The following ZMYND8 variants were observed in gnomAD, a reference collection of about 807,000 sequenced individuals.
The protein encoded by ZMYND8 is zinc finger MYND-type containing 8, also known as MYND-type zinc finger-containing chromatin reader ZMYND8.
A neutral mutation model predicts 140.8 loss-of-function variants in ZMYND8; 37 were observed. The observed-to-expected ratio is 0.26, with a 90% CI of 0.20 to 0.35. The LOEUF (loss-of-function observed/expected upper bound fraction) is 0.35, where lower values mean the gene tolerates loss of function less well. Ranked by LOEUF, ZMYND8 falls within the 10% of genes least tolerant of loss-of-function variation. ZMYND8 has a pLI of 1.00. For missense variants in ZMYND8, 1,068 were observed against 1,570.0 expected (o/e 0.68, Z 5.40); for synonymous variants, 592 against 597.1 (o/e 0.99, Z 0.12).
intron 22 of ZMYND8, among the ~76,000 whole-genome samples, chr20:47,212,008 C>G (rs2035340058): frequency 6.6e-6 from 1 of 152,196 alleles, no homozygotes; most frequent in Non-Finnish European, 1.5e-5. Context: ...CTATGGTAGG[C>G]AGAGCTGGGG....
Position 47,217,584 on chromosome 20 carries a change from A to C in ZMYND8, c.3484+2674T>G, listed in dbSNP as rs568535104. On this transcript the variant is annotated intron_variant, in intron 21 of 22. Coordinates refer to ENST00000471951, the MANE Select transcript of ZMYND8 (RefSeq NM_001281775.3). ...CTGACTGTGCCCCCAAATCCCACCCACCCACCTTTCAAAGCATGAGTCTGG... is the reference window on the plus strand; with the variant it reads ...CTGACTGTGCCCCCAAATCCCACCCCCCCACCTTTCAAAGCATGAGTCTGG... 4.7e-5 allele frequency among the ~76,000 whole-genome samples: 7 copies of C among 147,732 alleles called. No homozygotes were observed. In the South Asian group the frequency reaches 1.1e-3, roughly 24 times the overall value.
rs1331365635 is a variant in ZMYND8 at position 47,347,793 on chromosome 20, A to C, written c.85+63T>G. ...GCCACACACTTCACTGCACTACAACAACAAAAAGAAATTCCAATTTCCTCC... is the reference window on the plus strand; with the variant it reads ...GCCACACACTTCACTGCACTACAACCACAAAAAGAAATTCCAATTTCCTCC... On this transcript the variant is annotated intron_variant, in intron 2 of 22. Coordinates refer to ENST00000471951, the MANE Select transcript of ZMYND8 (RefSeq NM_001281775.3). 3.2e-6 allele frequency: 5 copies of C among 1,567,448 alleles called. No individual in the cohort carries two copies. In the African/African-American group the frequency reaches 5.4e-5, roughly 17 times the overall value.
chr20:47,290,147 C>T (rs761245844), intron 7 of ZMYND8, 40 bp downstream of exon 7: 16 of 1,578,076 alleles, frequency 1.0e-5, no homozygotes, highest in Non-Finnish European at 1.4e-5. Flanking sequence ...GCAACACATA[C>T]ACAGCATACT....
Position 47,236,398 on chromosome 20 carries a change from T to TGAG in ZMYND8, c.2781_2783dup (p.Ser928dup). 1.2e-6 allele frequency: 2 copies of TGAG among 1,614,174 alleles called. No individual in the cohort carries two copies. Among genetic ancestry groups the TGAG allele is most frequent in the Non-Finnish European group, 1.7e-6 (2 of 1,180,022 alleles). ...TGGCGATGGGCAGGTCAGCGTTGAC[T>TGAG]GAGGACACAAGGGTGCTCATGGACC... On this transcript the variant is annotated inframe_insertion, in exon 16 of 23. Transcript: ENST00000471951.
chr20:47,251,934 A>G (rs1382071459), intron 12 of ZMYND8, among the ~76,000 whole-genome samples: 2 of 151,910 alleles, frequency 1.3e-5, no homozygotes, highest in East Asian at 3.9e-4. Context: ...GCCCTCCCCG[A>G]GTTTGCATTT....
intron 12 of ZMYND8, among the ~76,000 whole-genome samples, 198 bp from the exon 13 acceptor site, chr20:47,249,637 T>C (rs2074007500): frequency 6.9e-6 from 1 of 145,452 alleles, no homozygotes; most frequent in Non-Finnish European, 1.6e-5. Context: ...CGTGAACACG[T>C]TTGGCAGGTT....
chr20:47,234,913 G>C (rs2039010994), intron 16 of ZMYND8, among the ~76,000 whole-genome samples: 1 of 152,154 alleles, frequency 6.6e-6, no homozygotes, highest in Admixed American at 6.5e-5. Context: ...GACTAGGCAG[G>C]AAGATCACTT....
At chr20:47,342,862 AG>A (rs2082025349) in intron 2 of ZMYND8, among the ~76,000 whole-genome samples, 3 of 150,346 alleles carry the variant, frequency 2.0e-5, no homozygotes, top group East Asian at 1.9e-4. Context: ...AAAAAAAAAA[AG>A]AAAAGAAAGA....
At chr20:47,310,522 G>C (rs2078841657) in intron 2 of ZMYND8, among the ~76,000 whole-genome samples, 1 of 152,062 alleles carries the variant, frequency 6.6e-6, no homozygotes, top group South Asian at 2.1e-4. Flanking sequence ...GGAGGGCCAG[G>C]CACGGTGGCT....
At chr20:47,290,387 T>G (rs1052413271) in intron 6 of ZMYND8, 113 bp from the exon 7 acceptor site, 34 of 800,178 alleles carry the variant, frequency 4.2e-5, no homozygotes, top group Non-Finnish European at 6.5e-5. Flanking sequence ...TCAATTAGTG[T>G]TCTTCTATTC....
intron 2 of ZMYND8, among the ~76,000 whole-genome samples, chr20:47,313,546 T>C (rs1045506084): frequency 2.3e-4 from 34 of 149,438 alleles, no homozygotes; most frequent in East Asian, 1.6e-3. Flanking sequence ...GGCGTGAACC[T>C]GGGAGGCGGA....
At chr20:47,334,730 C>G (rs953559045) in intron 2 of ZMYND8, among the ~76,000 whole-genome samples, 1 of 151,900 alleles carries the variant, frequency 6.6e-6, no homozygotes, top group Non-Finnish European at 1.5e-5. Flanking sequence ...CCGCCTCAGC[C>G]TGCTGAGTAG....
At chr20:47,277,815 T>C (rs969562973) in intron 10 of ZMYND8, among the ~76,000 whole-genome samples, 18 of 152,124 alleles carry the variant, frequency 1.2e-4, no homozygotes, top group Non-Finnish European at 2.4e-4. Context: ...GAACTGCAGG[T>C]GTGTGCCACC....
At chr20:47,273,476 G>A (rs373137273) in intron 11 of ZMYND8, among the ~76,000 whole-genome samples, 3 of 152,280 alleles carry the variant, frequency 2.0e-5, no homozygotes, top group Admixed American at 2.0e-4. Flanking sequence ...AACCCAGGAG[G>A]TGGAGGTTGC....
At chr20:47,238,584 T>A in intron 15 of ZMYND8, 174 bp downstream of exon 15, 1 of 1,262,198 alleles carries the variant, frequency 7.9e-7, no homozygotes, top group Non-Finnish European at 1.1e-6. Context: ...AAAAAGCAAG[T>A]AGCAAAACAA....
At chr20:47,311,608 G>A (rs996689117) in intron 2 of ZMYND8, among the ~76,000 whole-genome samples, 2 of 151,820 alleles carry the variant, frequency 1.3e-5, no homozygotes, top group Admixed American at 6.6e-5. Flanking sequence ...AGATTGTTGG[G>A]TCAAAGGCCA....
chr20:47,310,583 G>C (rs2078845875), intron 2 of ZMYND8, among the ~76,000 whole-genome samples: 1 of 151,876 alleles, frequency 6.6e-6, no homozygotes, highest in African/African-American at 2.4e-5. Flanking sequence ...AGATCACAAG[G>C]TCAAGAGTTC....
chr20:47,336,471 C>T (rs558583449), intron 2 of ZMYND8, among the ~76,000 whole-genome samples: 1 of 152,318 alleles, frequency 6.6e-6, no homozygotes, highest in African/African-American at 2.4e-5. Flanking sequence ...TACCACAAAA[C>T]GCACACATGG....
chr20:47,310,786 GA>G (rs1169707543), intron 2 of ZMYND8, among the ~76,000 whole-genome samples: 1,191 of 76,832 alleles, frequency 0.016, 4 homozygotes, highest in African/African-American at 0.037. Context: ...CCTCCGACGT[GA>G]AAAAAAAAAA....
Sources: allele counts gnomAD v4.1 joint callset (sites outside exome capture counted in the v4.1 genomes callset), GRCh38; gene constraint gnomAD v4.1.1; transcripts MANE v1.5; gene names NCBI Gene and HGNC (gene_info 2026-07-23, HGNC 2026-07-21).